ABR: variants seen among roughly 807,000 people sequenced by gnomAD.
ABR encodes the protein active breakpoint cluster region-related protein.
ABR carries 35 observed loss-of-function variants against 107.2 expected under a neutral mutation model. That is an observed-to-expected ratio of 0.33 (90% CI 0.25 to 0.43). The LOEUF (loss-of-function observed/expected upper bound fraction) is 0.43. Among genes scored for constraint, ABR ranks in the 20% least tolerant of loss-of-function variants. The probability of loss-of-function intolerance (pLI) is 1.00; values close to 1 mark genes in which losing one functional copy is unlikely to be tolerated. For synonymous variants in ABR, 498 were observed against 462.0 expected, an observed-to-expected ratio of 1.08 and a Z score of -1.00; for missense variants, 815 against 1,115.2, an observed-to-expected ratio of 0.73 and a Z score of 3.83.
intron 1 of ABR, among the ~76,000 whole-genome samples, chr17:1,226,219 C>CG (rs1252126439): frequency 5.3e-5 from 8 of 152,180 alleles, no homozygotes; most frequent in Admixed American, 5.2e-4. Context: ...GAAGACCGCC[C>CG]GGGTGCTTCT....
chr17:1,031,921 T>A, intron 16 of ABR: 1 of 819,538 alleles, frequency 1.2e-6, no homozygotes, highest in Non-Finnish European at 1.5e-6. Context: ...CCCTCCTCCC[T>A]CCTCCGCATC....
At chr17:1,009,315 C>T (rs1473788569) in intron 21 of ABR, among the ~76,000 whole-genome samples, 7 of 145,268 alleles carry the variant, frequency 4.8e-5, no homozygotes, top group African/African-American at 1.5e-4. Flanking sequence ...TGGCTACATT[C>T]GTTGAATGAA....
chr17:1,035,223 C>T (rs1397096120), intron 16 of ABR, among the ~76,000 whole-genome samples: 2 of 151,574 alleles, frequency 1.3e-5, no homozygotes, highest in African/African-American at 2.4e-5. Context: ...GAATTCTAGT[C>T]GCTGCAGCCC....
chr17:1,146,763 A>C (rs368593964), intron 1 of ABR, among the ~76,000 whole-genome samples: 29 of 123,094 alleles, frequency 2.4e-4, no homozygotes, highest in African/African-American at 3.6e-4. Context: ...CTGCCACATG[A>C]CACCACTGCC....
intron 1 of ABR, among the ~76,000 whole-genome samples, chr17:1,145,213 G>T (rs1040567232): frequency 2.0e-5 from 3 of 152,114 alleles, no homozygotes; most frequent in Admixed American, 6.6e-5. Flanking sequence ...AGTAACTGCT[G>T]GCTGAGTGAT....
At chr17:1,022,664 C>T in intron 16 of ABR, 1 of 154,814 alleles carries the variant, frequency 6.5e-6, no homozygotes, top group Non-Finnish European at 1.5e-5. Flanking sequence ...CATGGCTTGG[C>T]ATCCACACTG....
At chr17:1,163,250 C>G (rs766486838) in intron 1 of ABR, among the ~76,000 whole-genome samples, 1 of 152,226 alleles carries the variant, frequency 6.6e-6, no homozygotes, top group African/African-American at 2.4e-5. Flanking sequence ...CTAACGTTAG[C>G]TATTATCACT....
rs796250985 is a variant in ABR at position 1,043,887 on chromosome 17, G to A, written c.1791+6163C>T. Among the ~76,000 whole-genome samples, 11 of 152,360 alleles carry A rather than the reference G, an allele frequency of 7.2e-5. 2 individuals are homozygous for A. The highest frequency in any genetic ancestry group is 2.6e-4 in the African/African-American group (11 of 41,590). ...GCTGTCCCCAGCCTGCGGTGAGCGA[G>A]GGAATGACGCAGGGCCGGGGGGCGG... On this transcript the variant is annotated intron_variant, in intron 16 of 22. Coordinates refer to ENST00000302538, the MANE Select transcript of ABR (RefSeq NM_021962.5).
chr17:1,102,222 A>G (rs1349497776), intron 2 of ABR, among the ~76,000 whole-genome samples: 3 of 152,010 alleles, frequency 2.0e-5, no homozygotes, highest in Admixed American at 6.6e-5. Context: ...AAAGGTCTCT[A>G]GCTTTCGGTT....
exon 1 of ABR, among the ~76,000 whole-genome samples, chr17:1,229,617 C>A (rs2043298847): frequency 6.6e-6 from 1 of 151,884 alleles, no homozygotes; most frequent in Admixed American, 6.6e-5. Flanking sequence ...CTCGAACGCG[C>A]GGGGGTCCCA....
intron 3 of ABR, 65 bp downstream of exon 3, chr17:1,100,572 A>T (rs2037795133): frequency 1.3e-6 from 2 of 1,484,366 alleles, no homozygotes; most frequent in Admixed American, 1.7e-5. Context: ...AAGCAGCTTC[A>T]GAGCATGACA....
chr17:1,038,604 C>T (rs571871591), intron 16 of ABR, among the ~76,000 whole-genome samples: 42 of 152,350 alleles, frequency 2.8e-4, no homozygotes, highest in African/African-American at 9.6e-4. Flanking sequence ...CAGCCCAAAG[C>T]TACAGGCTAC....
chr17:1,212,898 AAGAGAG>A (rs577008803), intron 1 of ABR, among the ~76,000 whole-genome samples: 1 of 152,076 alleles, frequency 6.6e-6, no homozygotes, highest in African/African-American at 2.4e-5. Flanking sequence ...AAAAAAAAAA[AAGAGAG>A]AGAGAGATAA....
At position 1,091,804 on chromosome 17, in the gene ABR, A is replaced by G; in HGVS notation, c.392T>C (p.Leu131Pro). 1 of 1,614,054 alleles carries G rather than the reference A, an allele frequency of 6.2e-7. No homozygotes were observed. Among genetic ancestry groups the G allele is most frequent in the South Asian group, 1.1e-5 (1 of 91,086 alleles). Residue 131 changes from leucine to proline, a missense_variant, in exon 4 of 23, where the codon CTC (leucine) becomes CCC (proline). Physicochemically the swap from Leu to Pro is moderately conservative, Grantham distance 98 (BLOSUM62 -3). Around this residue, in one of 5 missense-constraint regions of ABR, gnomAD observed 385 missense variants for 596.9 expected, o/e 0.64. Transcript: ENST00000302538. ...GATGGTCTCGATCTGCTGGATGGTG[A>G]GCACGGGCTGGGAGGTGGTGGCGGT... is the stretch of plus-strand genomic sequence containing the variant. Reference protein sequence around the residue: ...KATATTSQPVLTIQQIETIFY... With the variant: ...KATATTSQPVPTIQQIETIFY...
At chr17:1,047,174 C>G (rs1483125262) in intron 16 of ABR, among the ~76,000 whole-genome samples, 2 of 152,246 alleles carry the variant, frequency 1.3e-5, no homozygotes, top group African/African-American at 4.8e-5. Flanking sequence ...CTACAGGCCC[C>G]CTGAATATCC....
chr17:1,070,069 C>T lies in ABR; in HGVS notation c.916G>A (p.Gly306Ser), dbSNP rs2035100474. The T allele has an allele frequency of 6.2e-7, 1 of 1,613,628 alleles. No homozygotes were observed. The highest frequency in any genetic ancestry group is 1.7e-5 in the Admixed American group (1 of 59,958). The part of the protein sequence containing the change: ...KGETRQLVKD[G>S]FLVEVSESSR... ...CTCTCTGACACTTCCACCAGGAAGC[C>T]GTCCTTCACCAGCTGTCGCGTCTGA... The change falls in exon 9 of 23, where the codon GGC becomes AGC. Residue 306 changes from glycine to serine, a missense_variant. This residue lies in a region of ABR where 385 missense variants were observed against 596.9 expected (regional missense o/e 0.64). Coordinates refer to ENST00000302538, the MANE Select transcript of ABR (RefSeq NM_021962.5). The surrounding 1 kb of genome is among the most constrained non-coding windows in gnomAD (Gnocchi z 4.2).
chr17:1,182,407 G>A (rs113118389), upstream of ABR: 9,856 of 152,310 alleles, frequency 0.065, 430 homozygotes, highest in Non-Finnish European at 0.096. Flanking sequence ...TCGCTCTGTC[G>A]CCCAGGCTGG....
rs2032449833 is a variant in ABR at position 1,051,069 on chromosome 17, C to T, written c.1562-435G>A. Among the ~76,000 whole-genome samples, 1 of 152,174 alleles carries T rather than the reference C, an allele frequency of 6.6e-6. No homozygotes were observed. Among genetic ancestry groups the T allele is most frequent in the South Asian group, 2.1e-4 (1 of 4,836 alleles). On this transcript the variant is annotated intron_variant, in intron 14 of 22. Coordinates refer to ENST00000302538, the MANE Select transcript of ABR (RefSeq NM_021962.5). This position sits in a 1 kb window ranked among gnomAD's most constrained non-coding sequence, Gnocchi z 4.3. ...GCCACCTCTCCCCGTAACATGGGTG[C>T]CCAGGCCTCAACAGCGGCATTTGGG...
At chr17:1,155,505 A>G (rs138238145) in intron 1 of ABR, among the ~76,000 whole-genome samples, 2 of 152,318 alleles carry the variant, frequency 1.3e-5, no homozygotes, top group African/African-American at 4.8e-5. Flanking sequence ...AAGGATTCTT[A>G]CATACGACAC....
Sources: gnomAD v4.1 joint callset for allele counts (sites outside exome capture counted in the v4.1 genomes callset) on GRCh38, gnomAD v4.1.1 for gene constraint, gnomAD v4.1.1 regional missense constraint, Gnocchi (gnomAD v3.1) non-coding constraint, MANE v1.5 for transcripts, NCBI Gene and HGNC (gene_info 2026-07-23, HGNC 2026-07-21) for gene names.